DDX19B: variants seen among roughly 807,000 people sequenced by gnomAD.
The protein encoded by DDX19B is ATP-dependent RNA helicase DDX19B.
A neutral mutation model predicts 58.1 loss-of-function variants in DDX19B; 27 were observed. The ratio of observed to expected loss-of-function variants is 0.46; its 90% CI spans 0.34 to 0.64. The LOEUF (loss-of-function observed/expected upper bound fraction) is 0.64, where lower values mean the gene tolerates loss of function less well. Ranked by LOEUF, DDX19B falls within the 30% of genes least tolerant of loss-of-function variation. The pLI is 0.01. For missense variants in DDX19B, 399 were observed against 596.5 expected, an observed-to-expected ratio of 0.67 and a Z score of 3.45; for synonymous variants, 187 against 214.4, an observed-to-expected ratio of 0.87 and a Z score of 1.12.
chr16:70,333,237 T>C, intron 11 of DDX19B, 78 bp downstream of exon 11: 1 of 732,408 alleles, frequency 1.4e-6, no homozygotes, highest in African/African-American at 1.8e-5. Context: ...GGATCTTCTG[T>C]AGCCCCAAGA....
At chr16:70,315,739 A>G (rs1457855560) in intron 3 of DDX19B, 1 of 466,162 alleles carries the variant, frequency 2.1e-6, no homozygotes, top group African/African-American at 1.9e-5. Flanking sequence ...GCAGGAAAAG[A>G]GGGCTGTTAG....
intron 1 of DDX19B, 72 bp from the exon 2 acceptor site, chr16:70,312,537 G>A: frequency 7.5e-7 from 1 of 1,333,412 alleles, no homozygotes; most frequent in Non-Finnish European, 1.1e-6. Context: ...TCATTAGGGA[G>A]GCTCTGTTGA....
chr16:70,290,365 G>A (rs545190958), upstream of DDX19B, among the ~76,000 whole-genome samples: 3 of 151,890 alleles, frequency 2.0e-5, no homozygotes, highest in South Asian at 6.2e-4. Context: ...GTGAAACCCC[G>A]TCTCTACTAA....
chr16:70,305,003 T>C (rs1321623284), intron 1 of DDX19B, among the ~76,000 whole-genome samples: 1 of 152,190 alleles, frequency 6.6e-6, no homozygotes, highest in Non-Finnish European at 1.5e-5. Context: ...TTTATCCATA[T>C]ATTTCAGTGT....
chr16:70,324,980 G>C (rs1963066354), intron 6 of DDX19B, among the ~76,000 whole-genome samples: 1 of 152,210 alleles, frequency 6.6e-6, no homozygotes, highest in Admixed American at 6.5e-5. Flanking sequence ...GAACCCGGGA[G>C]GCGGAGGTTG....
chr16:70,318,562 C>A (rs1376845280), intron 5 of DDX19B, among the ~76,000 whole-genome samples: 1 of 151,862 alleles, frequency 6.6e-6, no homozygotes, highest in East Asian at 1.9e-4. Flanking sequence ...GAGGCCGAGG[C>A]AGGTGGATCA....
Position 70,315,956 on chromosome 16 carries a change from T to C in DDX19B, c.161-13T>C. ...GGACTTTTTAAAATTCTTTGCTTTC[T>C]TTTTCCTGACAGAGGACAGAGCTGC... On this transcript the variant is annotated splice_polypyrimidine_tract_variant and intron_variant, in intron 3 of 11. Transcript: ENST00000288071. 6.2e-7 allele frequency: 1 copy of C among 1,608,684 alleles called. No homozygotes were observed. Among genetic ancestry groups the C allele is most frequent in the East Asian group, 2.2e-5 (1 of 44,848 alleles).
chr16:70,301,604 C>T (rs1170280837), intron 1 of DDX19B, among the ~76,000 whole-genome samples: 1 of 152,004 alleles, frequency 6.6e-6, no homozygotes, highest in African/African-American at 2.4e-5. Flanking sequence ...AGAACTTTTC[C>T]TGAATAATTT....
intron 4 of DDX19B, 144 bp from the exon 5 acceptor site, chr16:70,317,352 G>A: frequency 3.6e-6 from 2 of 559,564 alleles, no homozygotes; most frequent in Non-Finnish European, 6.2e-6. Context: ...TTGCACTGCA[G>A]CCTGGGCAAT....
At chr16:70,329,238 A>AG in intron 7 of DDX19B, 54 bp from the exon 8 acceptor site, 1 of 1,571,968 alleles carries the variant, frequency 6.4e-7, no homozygotes, top group Non-Finnish European at 8.6e-7. Context: ...AAAAAAAAAA[A>AG]AAAAAGAAAG....
intron 7 of DDX19B, among the ~76,000 whole-genome samples, chr16:70,328,164 A>G (rs1216943534): frequency 6.6e-6 from 1 of 151,822 alleles, no homozygotes; most frequent in African/African-American, 2.4e-5. Context: ...AAAAAAAAAA[A>G]AGTGTTAGAG....
Position 70,333,579 on chromosome 16 carries a change from C to G in DDX19B, c.1437C>G (p.Asn479Lys). The change falls in exon 12 of 12, where the codon AAC (asparagine) becomes AAG (lysine). Residue 479 changes from asparagine to lysine, a missense_variant. Physicochemically the swap from Asn to Lys is moderately conservative, Grantham distance 94. Transcript: ENST00000288071. The part of the protein sequence containing the change: ...DDLDEIEKIA[N>K] ...TGGACGAGATTGAGAAAATAGCCAA[C>G]TGAGAAGCTCCACCAGCCACTGATG... is the stretch of plus-strand genomic sequence containing the variant. 6.2e-7 allele frequency: 1 copy of G among 1,614,016 alleles called. No individual in the cohort carries two copies. Among genetic ancestry groups the G allele is most frequent in the Non-Finnish European group, 8.5e-7 (1 of 1,179,878 alleles).
intron 5 of DDX19B, 73 bp from the exon 6 acceptor site, chr16:70,324,512 A>G (rs575224614): frequency 1.6e-4 from 222 of 1,353,116 alleles, no homozygotes; most frequent in Non-Finnish European, 2.2e-4. Context: ...TGAATTTTTA[A>G]TACTCATTTT....
chr16:70,319,472 T>G (rs1207569916), intron 5 of DDX19B: 1 of 152,194 alleles, frequency 6.6e-6, no homozygotes, highest in Admixed American at 6.6e-5. Context: ...TCAGATCACA[T>G]TCTGAGTACA....
upstream of DDX19B, among the ~76,000 whole-genome samples, chr16:70,291,684 G>T (rs564925363): frequency 3.5e-4 from 54 of 152,176 alleles, no homozygotes; most frequent in African/African-American, 1.2e-3. Flanking sequence ...GGTGGCGGGC[G>T]CCTGTAGTCC....
chr16:70,328,311 T>G (rs1963288801), intron 7 of DDX19B, among the ~76,000 whole-genome samples: 1 of 151,990 alleles, frequency 6.6e-6, no homozygotes, highest in African/African-American at 2.4e-5. Context: ...AGATAATCAT[T>G]TAAAATTTTG....
At chr16:70,295,100 G>C (rs1961172542), upstream of DDX19B, 6 of 1,273,564 alleles carry the variant, frequency 4.7e-6, no homozygotes, top group Admixed American at 1.2e-4. Flanking sequence ...GGGAAACTGA[G>C]ACTGGCTAGG....
At chr16:70,305,139 A>T (rs1283538548) in intron 1 of DDX19B, among the ~76,000 whole-genome samples, 1 of 152,108 alleles carries the variant, frequency 6.6e-6, no homozygotes, top group East Asian at 1.9e-4. Context: ...GTCTATTCTG[A>T]CCTTAACTAT....
At position 70,330,210 on chromosome 16, in the gene DDX19B, G is replaced by GT. The variant is rs1290080216; in HGVS notation, c.1023+142_1023+143insT. 4.6e-5 allele frequency: 42 copies of GT among 914,372 alleles called. No individual in the cohort carries two copies. The African/African-American group carries it at 6.7e-4, about 15-fold the overall frequency. 56.6% of individuals were successfully genotyped at this position (914,372 alleles called of 1,614,324 possible). On this transcript the variant is annotated intron_variant, in intron 9 of 11. Coordinates refer to ENST00000288071, the MANE Select transcript of DDX19B (RefSeq NM_007242.7). ...CTAAGGTTTTAGTGAGTCGTAAGAG[G>GT]GAGACTTTGATTCCACTTCTTAGTG... is the stretch of plus-strand genomic sequence containing the variant.
Sources: gnomAD v4.1 joint callset for allele counts (sites outside exome capture counted in the v4.1 genomes callset) on GRCh38, gnomAD v4.1.1 for gene constraint, MANE v1.5 for transcripts, NCBI Gene and HGNC (gene_info 2026-07-23, HGNC 2026-07-21) for gene names.